CDKN2B-AS1: variants seen among roughly 807,000 people sequenced by gnomAD.
The protein encoded by CDKN2B-AS1 is CDKN2B antisense RNA 1 (non-protein coding).
At position 22,039,848 on chromosome 9, in the gene CDKN2B-AS1, T is replaced by A. The variant is rs1316010527; in HGVS notation, n.30-6903T>A. On this transcript the variant is annotated intron_variant and non_coding_transcript_variant, in intron 1 of 4. Transcript: ENST00000650946. This position sits in a 1 kb window ranked among gnomAD's most constrained non-coding sequence, Gnocchi z 4.4. ...ACTCCTAGTGCTTCAGAATGTGACCTTATTTGGAAACAGGGTCATTGCAAA... is the reference window on the plus strand; with the variant it reads ...ACTCCTAGTGCTTCAGAATGTGACCATATTTGGAAACAGGGTCATTGCAAA... Among the ~76,000 whole-genome samples, 1 of 152,018 alleles carries A rather than the reference T, an allele frequency of 6.6e-6. No homozygotes were observed. The highest frequency in any genetic ancestry group is 6.6e-5 in the Admixed American group (1 of 15,244).
At chr9:22,040,507 A>G (rs1034330099) in intron 1 of CDKN2B-AS1, among the ~76,000 whole-genome samples, 5 of 151,974 alleles carry the variant, frequency 3.3e-5, no homozygotes, top group Admixed American at 6.6e-5. Context: ...CCAACATCAG[A>G]CTGTCAGTGA....
At chr9:22,034,368 A>T (rs1432717619) in intron 1 of CDKN2B-AS1, among the ~76,000 whole-genome samples, 1 of 152,104 alleles carries the variant, frequency 6.6e-6, no homozygotes. Context: ...CTACTTTTTC[A>T]TTGTGTTCCC....
intron 1 of CDKN2B-AS1, chr9:22,004,452 A>G: frequency 4.3e-6 from 1 of 232,594 alleles, no homozygotes. Flanking sequence ...GCTTATGAGC[A>G]ATTATTACAA....
chr9:22,082,307 A>G (rs113298457), intron 4 of CDKN2B-AS1, among the ~76,000 whole-genome samples: 14 of 152,210 alleles, frequency 9.2e-5, no homozygotes, highest in Non-Finnish European at 1.5e-5. Context: ...ATATAACAGT[A>G]GCAGCATAAC....
chr9:22,001,175 A>T lies in CDKN2B-AS1; in HGVS notation n.29+6014A>T, dbSNP rs1287485181. 6.6e-6 allele frequency among the ~76,000 whole-genome samples: 1 copy of T among 152,152 alleles called. No individual in the cohort carries two copies. Among genetic ancestry groups the T allele is most frequent in the African/African-American group, 2.4e-5 (1 of 41,440 alleles). On this transcript the variant is annotated intron_variant and non_coding_transcript_variant, in intron 1 of 4. Coordinates refer to ENST00000650946, the Ensembl canonical transcript of CDKN2B-AS1. This position sits in a 1 kb window ranked among gnomAD's most constrained non-coding sequence, Gnocchi z 4.2. Reference sequence around the variant, plus strand: ...AATAGAGAACATTGATAATGAGAGGATAGATAGATTATGCATTTGGGGAGG... The same window carrying T: ...AATAGAGAACATTGATAATGAGAGGTTAGATAGATTATGCATTTGGGGAGG...
At chr9:22,049,253 A>G (rs1160689863) in intron 3 of CDKN2B-AS1, 4 of 152,186 alleles carry the variant, frequency 2.6e-5, no homozygotes, top group Admixed American at 1.3e-4. Flanking sequence ...ACGACCTTTT[A>G]GATATGAACC....
intron 4 of CDKN2B-AS1, among the ~76,000 whole-genome samples, chr9:22,072,048 A>C (rs1824316504): frequency 6.6e-6 from 1 of 152,218 alleles, no homozygotes; most frequent in Non-Finnish European, 1.5e-5. Context: ...AGTCCTGAGC[A>C]GTGCAGGTGG....
chr9:22,061,721 G>C (rs749503773), intron 4 of CDKN2B-AS1, among the ~76,000 whole-genome samples: 1 of 152,064 alleles, frequency 6.6e-6, no homozygotes, highest in South Asian at 2.1e-4. Flanking sequence ...CTTACAAGGT[G>C]TGTGGTAATG....
intron 4 of CDKN2B-AS1, among the ~76,000 whole-genome samples, chr9:22,086,160 T>C (rs893167076): frequency 3.3e-5 from 5 of 152,182 alleles, no homozygotes; most frequent in African/African-American, 1.2e-4. Context: ...AGAGTTATTA[T>C]TGAGATGAAA....
chr9:22,041,660 C>G (rs1225335443), intron 1 of CDKN2B-AS1, among the ~76,000 whole-genome samples: 1 of 151,974 alleles, frequency 6.6e-6, no homozygotes, highest in Non-Finnish European at 1.5e-5. Context: ...GGGCTTTGAA[C>G]TTCATTTGAA....
Position 21,999,875 on chromosome 9 carries a change from A to G in CDKN2B-AS1, n.29+4714A>G, listed in dbSNP as rs1820847915. Among the ~76,000 whole-genome samples the G allele has an allele frequency of 6.6e-6, 1 of 152,198 alleles. No homozygotes were observed. Among genetic ancestry groups the G allele is most frequent in the Admixed American group, 6.5e-5 (1 of 15,280 alleles). On this transcript the variant is annotated intron_variant and non_coding_transcript_variant, in intron 1 of 4. Transcript: ENST00000650946. This position sits in a 1 kb window ranked among gnomAD's most constrained non-coding sequence, Gnocchi z 4.7. ...TAAAGAAAGCAAGTGACAGAATAGT[A>G]TGATCCCATTCATGTTTTCCAAATA...
chr9:22,111,535 G>C (rs902609321), intron 4 of CDKN2B-AS1, among the ~76,000 whole-genome samples: 2 of 151,952 alleles, frequency 1.3e-5, no homozygotes, highest in Non-Finnish European at 2.9e-5. Flanking sequence ...TTTCTTACAA[G>C]TGATCAGATG....
intron 1 of CDKN2B-AS1, among the ~76,000 whole-genome samples, chr9:22,017,909 G>A (rs926222092): frequency 2.6e-5 from 4 of 152,174 alleles, no homozygotes; most frequent in African/African-American, 9.7e-5. Flanking sequence ...TGTGAAATTT[G>A]TGTATCCAGA....
chr9:22,047,946 T>C (rs10120806), intron 2 of CDKN2B-AS1, among the ~76,000 whole-genome samples: 77,060 of 151,306 alleles, frequency 0.51, 20,511 homozygotes, highest in East Asian at 0.87. Context: ...CACTCCCATG[T>C]GCGGCTAATT....
chr9:22,002,634 G>A (rs549632545), intron 1 of CDKN2B-AS1, among the ~76,000 whole-genome samples: 17 of 151,926 alleles, frequency 1.1e-4, no homozygotes, highest in Non-Finnish European at 1.9e-4. Flanking sequence ...AAATTATTTG[G>A]TGCTGGTCAC....
rs1381975741 is a variant in CDKN2B-AS1 at position 22,000,727 on chromosome 9, A to T, written n.29+5566A>T. ...GTTTCTTCTTTTATGTTTGTGTATT[A>T]TTGCTTATAAATATATTCTAAAATA... On this transcript the variant is annotated intron_variant and non_coding_transcript_variant, in intron 1 of 4. Transcript: ENST00000650946. This position sits in a 1 kb window ranked among gnomAD's most constrained non-coding sequence, Gnocchi z 4.1. Among the ~76,000 whole-genome samples, 8 of 152,264 alleles carry T rather than the reference A, an allele frequency of 5.3e-5. No individual in the cohort carries two copies. In the South Asian group the frequency reaches 1.7e-3, roughly 32 times the overall value.
intron 1 of CDKN2B-AS1, among the ~76,000 whole-genome samples, chr9:22,017,051 T>C (rs1342543839): frequency 6.6e-6 from 1 of 152,236 alleles, no homozygotes; most frequent in Non-Finnish European, 1.5e-5. Context: ...AGTTTTATCT[T>C]ATATACTTCC....
intron 4 of CDKN2B-AS1, among the ~76,000 whole-genome samples, chr9:22,088,535 A>G (rs1563973601): frequency 1.3e-5 from 2 of 152,114 alleles, no homozygotes; most frequent in Non-Finnish European, 2.9e-5. Context: ...TATATTTTAC[A>G]TGTGTTCTCT....
At chr9:22,124,824 A>G (rs1049375289) in intron 4 of CDKN2B-AS1, among the ~76,000 whole-genome samples, 4 of 152,206 alleles carry the variant, frequency 2.6e-5, no homozygotes, top group African/African-American at 9.7e-5. Flanking sequence ...GTGTTTTATG[A>G]CCACAGGCTT....
Sources: allele counts gnomAD v4.1 joint callset (sites outside exome capture counted in the v4.1 genomes callset), GRCh38; gene constraint gnomAD v4.1.1; non-coding constraint Gnocchi (gnomAD v3.1); transcripts MANE v1.5; gene names NCBI Gene and HGNC (gene_info 2026-07-23, HGNC 2026-07-21).